PEX14: variants seen among roughly 807,000 people sequenced by gnomAD.
PEX14 encodes peroxisomal membrane protein PEX14.
In PEX14, 15 loss-of-function variants were observed where a neutral mutation model predicts 49.5. That is an observed-to-expected ratio of 0.30 (90% confidence interval 0.20 to 0.47). The LOEUF is 0.47. Ranked by LOEUF, PEX14 falls within the 20% of genes least tolerant of loss-of-function variation. The probability of loss-of-function intolerance (pLI) is 1.00; values close to 1 mark genes in which losing one functional copy is unlikely to be tolerated. For missense variants in PEX14, 398 were observed against 494.8 expected (o/e 0.80, Z 1.86); for synonymous variants, 210 against 212.7 (o/e 0.99, Z 0.11).
Position 10,605,528 on chromosome 1 carries a change from G to T in PEX14, c.298+6162G>T, listed in dbSNP as rs200989671. Among the ~76,000 whole-genome samples, 13 of 152,336 alleles carry T rather than the reference G, an allele frequency of 8.5e-5. No homozygotes were observed. In the East Asian group the frequency reaches 2.5e-3, roughly 29 times the overall value. On this transcript the variant is annotated intron_variant, in intron 4 of 8. Transcript: ENST00000356607. ...GGCTTTGAAGATCAGTCAGCCATAA[G>T]GTAGACCCAAGGTGTCAAGGAAGAC...
intron 1 of PEX14, among the ~76,000 whole-genome samples, chr1:10,483,901 A>G (rs892223365): frequency 2.0e-5 from 3 of 146,460 alleles, no homozygotes; most frequent in Non-Finnish European, 4.4e-5. Context: ...TATAGAGTAT[A>G]TTTGTCCCTC....
intron 3 of PEX14, among the ~76,000 whole-genome samples, chr1:10,592,563 C>T (rs1393112875): frequency 6.6e-6 from 1 of 152,140 alleles, no homozygotes; most frequent in Non-Finnish European, 1.5e-5. Flanking sequence ...TTATACTACT[C>T]CCCAGAGAAG....
intron 2 of PEX14, among the ~76,000 whole-genome samples, chr1:10,534,789 G>T (rs1638751197): frequency 6.6e-6 from 1 of 152,178 alleles, no homozygotes; most frequent in East Asian, 1.9e-4. Context: ...TCAAGATACT[G>T]AGTTCATCCT....
At position 10,495,434 on chromosome 1, in the gene PEX14, T is replaced by C; in HGVS notation, c.84+113T>C. On this transcript the variant is annotated intron_variant, in intron 2 of 8. Transcript: ENST00000356607. This position sits in a 1 kb window ranked among gnomAD's most constrained non-coding sequence, Gnocchi z 4.2. Reference sequence around the variant, plus strand: ...TCAGTAGTGTCCCTTTAAAAGTAGCTGTTACCTAGAGACTGCCTCTGTCAG... The same window carrying C: ...TCAGTAGTGTCCCTTTAAAAGTAGCCGTTACCTAGAGACTGCCTCTGTCAG... The C allele has an allele frequency of 1.2e-6, 1 of 853,656 alleles. No individual in the cohort carries two copies. Among genetic ancestry groups the C allele is most frequent in the Non-Finnish European group, 1.9e-6 (1 of 516,742 alleles). 52.9% of individuals were successfully genotyped at this position (853,656 alleles called of 1,614,324 possible). A position where few individuals can be genotyped will look rare whatever the true frequency, so the allele number is the denominator to read the frequency against.
At chr1:10,592,604 T>TTTCC (rs1640701703) in intron 3 of PEX14, among the ~76,000 whole-genome samples, 3 of 152,192 alleles carry the variant, frequency 2.0e-5, no homozygotes, top group Non-Finnish European at 2.9e-5. Flanking sequence ...AGTTTCCTCC[T>TTTCC]TATGTGGAAG....
chr1:10,584,688 C>A (rs547609900), intron 3 of PEX14, among the ~76,000 whole-genome samples: 1 of 152,164 alleles, frequency 6.6e-6, no homozygotes, highest in Non-Finnish European at 1.5e-5. Context: ...GAAATTATTT[C>A]ATAACAGAAT....
At chr1:10,599,169 G>A (rs1049371628) in intron 3 of PEX14, 69 bp from the exon 4 acceptor site, 12 of 1,537,426 alleles carry the variant, frequency 7.8e-6, no homozygotes, top group Non-Finnish European at 9.9e-6. Context: ...TTTGCTCAGT[G>A]AAGATTCTGT....
At chr1:10,550,759 C>A (rs574935641) in intron 3 of PEX14, among the ~76,000 whole-genome samples, 2 of 152,348 alleles carry the variant, frequency 1.3e-5, no homozygotes, top group South Asian at 4.1e-4. Flanking sequence ...TCTCTGTCAT[C>A]ACTGAGTTGA....
At chr1:10,480,216 T>A (rs541313196) in intron 1 of PEX14, among the ~76,000 whole-genome samples, 11 of 151,496 alleles carry the variant, frequency 7.3e-5, no homozygotes, top group Non-Finnish European at 8.8e-5. Flanking sequence ...TTTTTTTGTT[T>A]TGTTTTGTTT....
chr1:10,594,171 C>T (rs1158708833), intron 3 of PEX14, among the ~76,000 whole-genome samples: 1 of 152,160 alleles, frequency 6.6e-6, no homozygotes, highest in Non-Finnish European at 1.5e-5. Context: ...ACAAAATGTT[C>T]ATAAAATAAA....
At chr1:10,568,959 C>T (rs987603653) in intron 3 of PEX14, among the ~76,000 whole-genome samples, 11 of 151,996 alleles carry the variant, frequency 7.2e-5, no homozygotes, top group Admixed American at 2.0e-4. Context: ...AGGCTGGTCT[C>T]GAACTCCTGA....
At chr1:10,608,716 T>C (rs2124617751) in intron 4 of PEX14, among the ~76,000 whole-genome samples, 1 of 151,904 alleles carries the variant, frequency 6.6e-6, no homozygotes, top group South Asian at 2.1e-4. Context: ...TGGGTCTGTT[T>C]CTAGATTCCT....
intron 2 of PEX14, among the ~76,000 whole-genome samples, chr1:10,517,545 C>T (rs879326227): frequency 2.0e-5 from 3 of 151,716 alleles, no homozygotes; most frequent in African/African-American, 7.3e-5. Context: ...AGGGAGGCAC[C>T]GAGAAGTACT....
At chr1:10,581,288 C>T (rs1021359485) in intron 3 of PEX14, among the ~76,000 whole-genome samples, 8 of 148,906 alleles carry the variant, frequency 5.4e-5, no homozygotes, top group Admixed American at 2.0e-4. Context: ...TGGTGTTAAA[C>T]GAGGATCTTT....
intron 3 of PEX14, among the ~76,000 whole-genome samples, chr1:10,559,711 G>A (rs1639594984): frequency 6.6e-6 from 1 of 152,246 alleles, no homozygotes; most frequent in Non-Finnish European, 1.5e-5. Context: ...GACATCATCA[G>A]AAGTGATTAT....
At chr1:10,551,340 C>T (rs1254307296) in intron 3 of PEX14, among the ~76,000 whole-genome samples, 1 of 152,126 alleles carries the variant, frequency 6.6e-6, no homozygotes, top group Admixed American at 6.5e-5. Context: ...CAAATTAAAT[C>T]GACTTTCTCC....
intron 7 of PEX14, among the ~76,000 whole-genome samples, chr1:10,624,667 A>C (rs945223669): frequency 6.6e-6 from 1 of 151,972 alleles, no homozygotes; most frequent in Admixed American, 6.6e-5. Context: ...TTCTCTCTCT[A>C]TGTCACCTCC....
At chr1:10,486,737 G>A (rs1641375886) in intron 1 of PEX14, among the ~76,000 whole-genome samples, 1 of 150,108 alleles carries the variant, frequency 6.7e-6, no homozygotes, top group African/African-American at 2.5e-5. Context: ...ACCCAGGCTG[G>A]AGTGCAGTGG....
intron 2 of PEX14, among the ~76,000 whole-genome samples, chr1:10,507,382 C>CT (rs1009628629): frequency 1.3e-5 from 2 of 152,246 alleles, no homozygotes; most frequent in African/African-American, 4.8e-5. Context: ...TCTGTACCTC[C>CT]TTTCTGAGGC....
Sources: allele counts gnomAD v4.1 joint callset (sites outside exome capture counted in the v4.1 genomes callset), GRCh38; gene constraint gnomAD v4.1.1; non-coding constraint Gnocchi (gnomAD v3.1); transcripts MANE v1.5; gene names NCBI Gene and HGNC (gene_info 2026-07-23, HGNC 2026-07-21).